MYO16: variants seen among roughly 807,000 people sequenced by gnomAD.
The protein encoded by MYO16 is unconventional myosin-XVI.
Under a neutral mutation model 205.3 loss-of-function variants are expected in MYO16, and 94 were observed. The observed-to-expected ratio is 0.46, with a 90% CI of 0.39 to 0.54. The LOEUF (loss-of-function observed/expected upper bound fraction) is 0.54. Among genes scored for constraint, MYO16 ranks in the 20% least tolerant of loss-of-function variants. The pLI is 0.00. For synonymous variants in MYO16, 988 were observed against 954.0 expected, an observed-to-expected ratio of 1.04 and a Z score of -0.66; for missense variants, 2,315 against 2,387.5, an observed-to-expected ratio of 0.97 and a Z score of 0.63.
chr13:109,047,025 T>A, intron 24 of MYO16, 34 bp downstream of exon 24: 1 of 1,393,760 alleles, frequency 7.2e-7, no homozygotes, highest in Non-Finnish European at 1.0e-6. Flanking sequence ...CTACACTGGT[T>A]AAAATGCCAT....
chr13:108,501,343 C>A, the MYO16 span, among the ~76,000 whole-genome samples: 3 of 152,224 alleles, frequency 2.0e-5, no homozygotes, highest in Non-Finnish European at 4.4e-5. Context: ...GCTTAGGGAC[C>A]CTCTATCTCA....
At chr13:108,654,582 C>T (rs183204243) in intron 1 of MYO16, among the ~76,000 whole-genome samples, 51 of 152,248 alleles carry the variant, frequency 3.3e-4, no homozygotes, top group African/African-American at 1.0e-3. Context: ...TTGCTGAAAA[C>T]ATACCCGAAA....
At chr13:109,083,657 A>G (rs961698911) in intron 27 of MYO16, among the ~76,000 whole-genome samples, 1 of 152,202 alleles carries the variant, frequency 6.6e-6, no homozygotes, top group African/African-American at 2.4e-5. Flanking sequence ...GTCATACTTA[A>G]TGCTGGCTGG....
chr13:109,020,172 G>T (rs546052520), intron 23 of MYO16, among the ~76,000 whole-genome samples: 58 of 152,218 alleles, frequency 3.8e-4, no homozygotes, highest in African/African-American at 1.3e-3. Flanking sequence ...GGATCCCTGG[G>T]TTTAATACAA....
chr13:108,842,360 ATATAT>A (rs1877288407), intron 9 of MYO16, among the ~76,000 whole-genome samples: 1 of 152,180 alleles, frequency 6.6e-6, no homozygotes, highest in Admixed American at 6.6e-5. Flanking sequence ...ATGTGCAAAT[ATATAT>A]GATAAGGGGT....
chr13:109,159,004 T>C (rs1442227724), intron 32 of MYO16, among the ~76,000 whole-genome samples: 1 of 152,178 alleles, frequency 6.6e-6, no homozygotes, highest in Non-Finnish European at 1.5e-5. Flanking sequence ...ATGCCAACAT[T>C]CATCAAATTG....
intron 9 of MYO16, among the ~76,000 whole-genome samples, chr13:108,832,032 A>C (rs1876648108): frequency 6.6e-6 from 1 of 152,056 alleles, no homozygotes; most frequent in African/African-American, 2.4e-5. Context: ...TTGGGGTATC[A>C]TGCTCTTGGG....
At chr13:109,073,955 C>A (rs1444329904) in intron 27 of MYO16, among the ~76,000 whole-genome samples, 1 of 152,148 alleles carries the variant, frequency 6.6e-6, no homozygotes, top group Non-Finnish European at 1.5e-5. Flanking sequence ...GCTTTTTGCA[C>A]CACGGGAAGG....
intron 4 of MYO16, among the ~76,000 whole-genome samples, chr13:108,767,393 C>T (rs1047649707): frequency 6.6e-6 from 1 of 152,156 alleles, no homozygotes; most frequent in Non-Finnish European, 1.5e-5. Context: ...TGAGCCACTG[C>T]GCCTGGCTGT....
chr13:108,877,418 C>A (rs1879378793), intron 12 of MYO16, among the ~76,000 whole-genome samples: 2 of 152,330 alleles, frequency 1.3e-5, no homozygotes, highest in East Asian at 1.9e-4. Context: ...GGCACCAATT[C>A]TCTTGCCTGT....
intron 33 of MYO16, among the ~76,000 whole-genome samples, chr13:109,174,382 A>T (rs192456805): frequency 3.3e-5 from 5 of 152,338 alleles, no homozygotes; most frequent in African/African-American, 1.2e-4. Context: ...GTGGTTATTT[A>T]TAGCATCAGA....
intron 22 of MYO16, among the ~76,000 whole-genome samples, chr13:109,015,125 A>G (rs370267386): frequency 9.2e-5 from 14 of 152,186 alleles, no homozygotes; most frequent in South Asian, 2.1e-4. Flanking sequence ...CATTATTTTG[A>G]GATACGTTCC....
At chr13:109,019,632 G>A (rs1885951494) in intron 22 of MYO16, 79 bp from the exon 23 acceptor site, 6 of 1,126,574 alleles carry the variant, frequency 5.3e-6, no homozygotes, top group Admixed American at 2.3e-5. Flanking sequence ...AAAAATATAA[G>A]CAAGCATGCT....
At chr13:108,838,690 T>TACACACAC (rs138108851) in intron 9 of MYO16, among the ~76,000 whole-genome samples, 22 of 135,902 alleles carry the variant, frequency 1.6e-4, no homozygotes, top group African/African-American at 6.2e-4. Context: ...TATATATATA[T>TACACACAC]ACACACACAC....
chr13:109,006,214 G>T (rs1307521437), intron 21 of MYO16, among the ~76,000 whole-genome samples: 1 of 151,962 alleles, frequency 6.6e-6, no homozygotes, highest in Non-Finnish European at 1.5e-5. Flanking sequence ...TTCTTTTCTG[G>T]GCTCTTCTTT....
intron 3 of MYO16, among the ~76,000 whole-genome samples, chr13:108,723,385 CCT>C (rs904073316): frequency 5.3e-5 from 8 of 151,948 alleles, no homozygotes; most frequent in Admixed American, 3.3e-4. Context: ...TAATATTTCC[CCT>C]GATAGGCTGC....
At chr13:108,785,776 A>G (rs1886439971) in intron 5 of MYO16, 33 bp downstream of exon 5, 2 of 1,340,260 alleles carry the variant, frequency 1.5e-6, no homozygotes, top group African/African-American at 1.5e-5. Flanking sequence ...ATAGAAAAAA[A>G]TAGATTGGGA....
At chr13:108,995,435 T>C (rs1247938303) in intron 21 of MYO16, among the ~76,000 whole-genome samples, 2 of 152,122 alleles carry the variant, frequency 1.3e-5, no homozygotes, top group African/African-American at 4.8e-5. Context: ...TATTCAAAAG[T>C]ATTTCTTTTT....
the MYO16 span, among the ~76,000 whole-genome samples, chr13:108,542,418 G>A: frequency 6.6e-6 from 1 of 152,024 alleles, no homozygotes; most frequent in South Asian, 2.1e-4. Flanking sequence ...CCCAACCCCC[G>A]TCACAAGTTT....
Sources: allele counts gnomAD v4.1 joint callset (sites outside exome capture counted in the v4.1 genomes callset), GRCh38; gene constraint gnomAD v4.1.1; transcripts MANE v1.5; gene names NCBI Gene and HGNC (gene_info 2026-07-23, HGNC 2026-07-21).